Variants in SRP68 observed in about 807,000 individuals in gnomAD.
SRP68 encodes the protein signal recognition particle 68, also known as signal recognition particle subunit SRP68.
A neutral mutation model predicts 82.2 loss-of-function variants in SRP68; 15 were observed. That is an observed-to-expected ratio of 0.18 (90% CI 0.12 to 0.28). The LOEUF is 0.28. SRP68 is among the 10% of genes least tolerant of loss of function. SRP68 has a pLI of 1.00. For missense variants in SRP68, 595 were observed against 780.5 expected, an observed-to-expected ratio of 0.76 and a Z score of 2.83; for synonymous variants, 261 against 292.6, an observed-to-expected ratio of 0.89 and a Z score of 1.10.
At chr17:76,041,281 C>T in intron 13 of SRP68, 2 of 212,356 alleles carry the variant, frequency 9.4e-6, no homozygotes, top group Non-Finnish European at 1.9e-5. Context: ...ACTAGCTTAA[C>T]CTTCTCAATA....
At chr17:76,049,349 G>C (rs1024878511) in intron 9 of SRP68, 1 of 152,326 alleles carries the variant, frequency 6.6e-6, no homozygotes, top group Middle Eastern at 3.4e-3. Flanking sequence ...TTCAGAAATG[G>C]TAAGCTATGA....
In SRP68 at chr17:76,072,055, G is replaced by C; in HGVS notation, c.184+253C>G. 3.1e-6 allele frequency: 2 copies of C among 646,288 alleles called. No homozygotes were observed. Among genetic ancestry groups the C allele is most frequent in the Non-Finnish European group, 5.0e-6 (2 of 397,536 alleles). The allele number at this position is 646,288 out of a possible 1,614,324, so 40.0% of individuals were successfully genotyped here. ...CCAACTGGACAACTGCGGGGCACCA[G>C]GGGAAACCTGCCTGATATCCCAGTG... On this transcript the variant is annotated intron_variant, in intron 1 of 15. Transcript: ENST00000307877. The surrounding 1 kb of genome is among the most constrained non-coding windows in gnomAD (Gnocchi z 4.5).
intron 8 of SRP68, among the ~76,000 whole-genome samples, chr17:76,052,483 C>T (rs1348788358): frequency 6.6e-6 from 1 of 152,112 alleles, no homozygotes; most frequent in Non-Finnish European, 1.5e-5. Context: ...AGTATTAGGA[C>T]AAATACCTAA....
At chr17:76,066,862 G>C (rs2066811110) in intron 3 of SRP68, among the ~76,000 whole-genome samples, 2 of 151,866 alleles carry the variant, frequency 1.3e-5, no homozygotes, top group Non-Finnish European at 2.9e-5. Flanking sequence ...TGAGTAGCTG[G>C]GATTACAGGC....
chr17:76,072,293 A>G lies in SRP68; in HGVS notation c.184+15T>C. Reference sequence around the variant, plus strand: ...ACGTAATCATTGCGAGTTAGGCCCGATTACTCTAGGATACTCTCCAAACTC... The same window carrying G: ...ACGTAATCATTGCGAGTTAGGCCCGGTTACTCTAGGATACTCTCCAAACTC... On this transcript the variant is annotated intron_variant, in intron 1 of 15. Coordinates refer to ENST00000307877, the MANE Select transcript of SRP68 (RefSeq NM_014230.4). The surrounding 1 kb of genome is among the most constrained non-coding windows in gnomAD (Gnocchi z 4.5). 1 of 1,608,034 alleles carries G rather than the reference A, an allele frequency of 6.2e-7. No homozygotes were observed. Among genetic ancestry groups the G allele is most frequent in the South Asian group, 1.1e-5 (1 of 90,284 alleles).
chr17:76,062,427 G>A (rs2066759164), intron 4 of SRP68, among the ~76,000 whole-genome samples: 1 of 113,166 alleles, frequency 8.8e-6, no homozygotes, highest in African/African-American at 3.3e-5. Flanking sequence ...TCCAGCTTGG[G>A]ACACAGTGAG....
At chr17:76,044,870 G>C (rs1464806878) in intron 12 of SRP68, 1 of 152,912 alleles carries the variant, frequency 6.5e-6, no homozygotes, top group Non-Finnish European at 1.5e-5. Context: ...AGGCTCCCAA[G>C]GAGCTGGGTT....
At chr17:76,049,024 G>A (rs2144494342) in intron 9 of SRP68, 1 of 152,326 alleles carries the variant, frequency 6.6e-6, no homozygotes, top group South Asian at 2.1e-4. Flanking sequence ...AGGCTTTGTG[G>A]CAGATGCTGA....
intron 8 of SRP68, among the ~76,000 whole-genome samples, chr17:76,052,196 T>G (rs546028681): frequency 1.3e-5 from 2 of 152,262 alleles, no homozygotes; most frequent in Non-Finnish European, 2.9e-5. Context: ...TTTTATTAAT[T>G]TAAATTTCAA....
intron 9 of SRP68, chr17:76,049,195 G>A (rs1227746524): frequency 2.0e-5 from 3 of 152,126 alleles, no homozygotes; most frequent in Admixed American, 6.5e-5. Flanking sequence ...AATGGTTAAG[G>A]TTTTATGTTT....
intron 15 of SRP68, 87 bp from the exon 16 acceptor site, chr17:76,040,020 A>C: frequency 7.5e-6 from 10 of 1,328,748 alleles, no homozygotes; most frequent in Non-Finnish European, 1.1e-5. Flanking sequence ...CCTGGTTCAG[A>C]GCTTTACAGG....
intron 6 of SRP68, 113 bp downstream of exon 6, chr17:76,060,997 G>C: frequency 1.4e-6 from 1 of 732,552 alleles, no homozygotes; most frequent in South Asian, 1.7e-5. Context: ...GTCAATGATG[G>C]AGGCAAGCGA....
intron 3 of SRP68, among the ~76,000 whole-genome samples, chr17:76,064,754 T>C (rs2066794033): frequency 6.7e-6 from 1 of 148,912 alleles, no homozygotes; most frequent in South Asian, 2.1e-4. Flanking sequence ...GGCAGGAGTA[T>C]CTCTTGAACC....
Position 76,039,514 on chromosome 17 carries a change from C to T in SRP68, c.*192G>A. The T allele has an allele frequency of 4.6e-6, 3 of 656,404 alleles. No individual in the cohort carries two copies. The highest frequency in any genetic ancestry group is 8.1e-6 in the Non-Finnish European group (3 of 369,916). 40.7% of individuals were successfully genotyped at this position (656,404 alleles called of 1,614,324 possible). A position where few individuals can be genotyped will look rare whatever the true frequency, so the allele number is the denominator to read the frequency against. On this transcript the variant is annotated 3_prime_UTR_variant, in exon 16 of 16. Coordinates refer to ENST00000307877, the MANE Select transcript of SRP68 (RefSeq NM_014230.4). ...GACCCTGCACACATTTACCAGAAGA[C>T]AACAGGGTGCTCTCCTGACACGCTG... is the stretch of plus-strand genomic sequence containing the variant.
intron 7 of SRP68, among the ~76,000 whole-genome samples, chr17:76,058,926 C>T (rs1280440652): frequency 1.8e-4 from 28 of 152,162 alleles, no homozygotes; most frequent in Non-Finnish European, 2.8e-4. Flanking sequence ...TACCATGCAG[C>T]CATCAAAGGA....
intron 13 of SRP68, among the ~76,000 whole-genome samples, chr17:76,042,805 G>C (rs903587566): frequency 6.6e-6 from 1 of 151,952 alleles, no homozygotes; most frequent in East Asian, 1.9e-4. Flanking sequence ...GGCTGGTCTC[G>C]AACTCCTTAC....
At chr17:76,062,200 T>C (rs2066757397) in intron 4 of SRP68, among the ~76,000 whole-genome samples, 1 of 151,162 alleles carries the variant, frequency 6.6e-6, no homozygotes, top group African/African-American at 2.4e-5. Flanking sequence ...GGCAGGAGAA[T>C]TGCTTGAAAC....
chr17:76,055,441 C>T (rs980881010), intron 8 of SRP68, among the ~76,000 whole-genome samples: 3 of 152,086 alleles, frequency 2.0e-5, no homozygotes, highest in African/African-American at 7.2e-5. Context: ...CCCTCCCACC[C>T]TTTCCAGGCT....
chr17:76,040,296 A>T, intron 15 of SRP68, 123 bp downstream of exon 15: 1 of 933,408 alleles, frequency 1.1e-6, no homozygotes, highest in Non-Finnish European at 1.7e-6. Flanking sequence ...GTTGGGTAAG[A>T]GAAGGGAGGG....
Sources: gnomAD v4.1 joint callset for allele counts (sites outside exome capture counted in the v4.1 genomes callset) on GRCh38, gnomAD v4.1.1 for gene constraint, Gnocchi (gnomAD v3.1) non-coding constraint, MANE v1.5 for transcripts, NCBI Gene and HGNC (gene_info 2026-07-23, HGNC 2026-07-21) for gene names.